Variants in GALNT13 observed in about 807,000 individuals in gnomAD.
GALNT13 encodes the protein polypeptide N-acetylgalactosaminyltransferase 13, also known as UDP-GalNAc:polypeptide N-acetylgalactosaminyltransferase 13.
Under a neutral mutation model 64.2 loss-of-function variants are expected in GALNT13, and 28 were observed. The ratio of observed to expected loss-of-function variants is 0.44; its 90% CI spans 0.32 to 0.60. The LOEUF (loss-of-function observed/expected upper bound fraction) is 0.60, where lower values mean the gene tolerates loss of function less well. Among genes scored for constraint, GALNT13 ranks in the 20% least tolerant of loss-of-function variants. The pLI is 0.05. For synonymous variants in GALNT13, 214 were observed against 224.6 expected, an observed-to-expected ratio of 0.95 and a Z score of 0.42; for missense variants, 577 against 669.8, an observed-to-expected ratio of 0.86 and a Z score of 1.53.
chr2:153,345,718 T>TGTCCGTCC, the GALNT13 span, among the ~76,000 whole-genome samples: 4,851 of 45,198 alleles, frequency 0.11, 314 homozygotes, highest in Non-Finnish European at 0.15. Context: ...TCTCTCTTTC[T>TGTCCGTCC]GTCCTTCCTT....
At chr2:153,173,916 G>A in the GALNT13 span, among the ~76,000 whole-genome samples, 1 of 152,116 alleles carries the variant, frequency 6.6e-6, no homozygotes, top group Non-Finnish European at 1.5e-5. Context: ...ATACAATAGT[G>A]GGACCAGCAT....
chr2:153,562,235 GC>G, the GALNT13 span, among the ~76,000 whole-genome samples: 2 of 151,992 alleles, frequency 1.3e-5, no homozygotes, highest in Non-Finnish European at 2.9e-5. Flanking sequence ...GAAGGCCTGT[GC>G]TTTTTTCCTA....
At chr2:153,091,334 A>G in the GALNT13 span, among the ~76,000 whole-genome samples, 2 of 152,054 alleles carry the variant, frequency 1.3e-5, no homozygotes, top group African/African-American at 4.8e-5. Context: ...TATATTTATC[A>G]TGACTCCTTA....
At chr2:153,973,423 T>C (rs1198309364) in intron 3 of GALNT13, among the ~76,000 whole-genome samples, 3 of 151,996 alleles carry the variant, frequency 2.0e-5, no homozygotes, top group African/African-American at 7.2e-5. Flanking sequence ...GATGTACTGG[T>C]GGAATATATT....
At chr2:153,541,728 A>G in the GALNT13 span, among the ~76,000 whole-genome samples, 1 of 152,186 alleles carries the variant, frequency 6.6e-6, no homozygotes, top group African/African-American at 2.4e-5. Flanking sequence ...ATCTAGCTGG[A>G]CAGGGCTTGC....
chr2:153,834,636 A>G, the GALNT13 span, among the ~76,000 whole-genome samples: 7 of 152,112 alleles, frequency 4.6e-5, no homozygotes, highest in Non-Finnish European at 1.0e-4. Flanking sequence ...AGTGGAGGGG[A>G]GGCAAGAGTA....
chr2:154,248,572 ATTTGG>A (rs774006427), intron 7 of GALNT13, among the ~76,000 whole-genome samples: 3,325 of 152,216 alleles, frequency 0.022, 92 homozygotes, highest in African/African-American at 0.068. Context: ...GAAGTGTTTT[ATTTGG>A]CATACATAGT....
the GALNT13 span, among the ~76,000 whole-genome samples, chr2:153,116,995 T>G: frequency 6.6e-6 from 1 of 151,942 alleles, no homozygotes; most frequent in Non-Finnish European, 1.5e-5. Flanking sequence ...GAGATGGGGT[T>G]TCACCATGTT....
chr2:153,098,496 CATA>C, the GALNT13 span, among the ~76,000 whole-genome samples: 1 of 152,130 alleles, frequency 6.6e-6, no homozygotes, highest in Non-Finnish European at 1.5e-5. Context: ...CATTCCTATA[CATA>C]ATATTTTAGT....
At chr2:154,208,761 T>C (rs1013791971) in intron 4 of GALNT13, among the ~76,000 whole-genome samples, 16 of 152,090 alleles carry the variant, frequency 1.1e-4, no homozygotes, top group African/African-American at 3.9e-4. Context: ...ATAAGTATCA[T>C]ATTTTTATAA....
the GALNT13 span, among the ~76,000 whole-genome samples, chr2:153,426,991 C>T: frequency 4.6e-5 from 7 of 151,858 alleles, no homozygotes; most frequent in African/African-American, 1.7e-4. Context: ...TAGAGTATTG[C>T]TCATTTTTGC....
intron 2 of GALNT13, among the ~76,000 whole-genome samples, chr2:153,919,410 T>C (rs191969408): frequency 6.6e-6 from 1 of 152,098 alleles, no homozygotes; most frequent in East Asian, 1.9e-4. Context: ...CACTATTTTT[T>C]CTGTTATAAA....
intron 1 of GALNT13, among the ~76,000 whole-genome samples, chr2:153,882,108 GATTA>G (rs1445278223): frequency 6.6e-6 from 1 of 150,826 alleles, no homozygotes; most frequent in Non-Finnish European, 1.5e-5. Context: ...TAAATGGAGG[GATTA>G]AAAGTTATAA....
At chr2:153,105,360 A>C in the GALNT13 span, among the ~76,000 whole-genome samples, 44 of 152,244 alleles carry the variant, frequency 2.9e-4, no homozygotes, top group African/African-American at 9.1e-4. Flanking sequence ...TTAGGTATTG[A>C]TGGGACGTAT....
chr2:153,259,838 AT>A, the GALNT13 span, among the ~76,000 whole-genome samples: 1 of 152,008 alleles, frequency 6.6e-6, no homozygotes. Flanking sequence ...CCACGTTGTT[AT>A]TTTTTTAAAT....
chr2:153,800,625 C>T, the GALNT13 span, among the ~76,000 whole-genome samples: 3 of 152,134 alleles, frequency 2.0e-5, no homozygotes, highest in Non-Finnish European at 4.4e-5. Context: ...TATTATACGT[C>T]ATTTGTTGTC....
At chr2:153,274,709 A>G in the GALNT13 span, among the ~76,000 whole-genome samples, 1 of 152,176 alleles carries the variant, frequency 6.6e-6, no homozygotes, top group African/African-American at 2.4e-5. Context: ...GTGGAAATGC[A>G]TTCTTTTCTC....
chr2:153,305,616 T>A, the GALNT13 span, among the ~76,000 whole-genome samples: 1 of 152,156 alleles, frequency 6.6e-6, no homozygotes, highest in Non-Finnish European at 1.5e-5. Context: ...TTGTAAACCC[T>A]GGATAGACCT....
intron 2 of GALNT13, among the ~76,000 whole-genome samples, chr2:153,917,260 A>G (rs1179524193): frequency 6.6e-6 from 1 of 152,154 alleles, no homozygotes; most frequent in African/African-American, 2.4e-5. Flanking sequence ...GTGTATTAAG[A>G]TGTGTAAAGT....
Sources: allele counts gnomAD v4.1 joint callset (sites outside exome capture counted in the v4.1 genomes callset), GRCh38; gene constraint gnomAD v4.1.1; transcripts MANE v1.5; gene names NCBI Gene and HGNC (gene_info 2026-07-23, HGNC 2026-07-21).